SORCS2: variants seen among roughly 807,000 people sequenced by gnomAD.
SORCS2 encodes VPS10 domain-containing receptor SorCS2.
A neutral mutation model predicts 141.6 loss-of-function variants in SORCS2; 100 were observed. The observed-to-expected ratio is 0.71, with a 90% CI of 0.60 to 0.83. The LOEUF (loss-of-function observed/expected upper bound fraction) is 0.83. Ranked by LOEUF, SORCS2 falls within the 40% of genes least tolerant of loss-of-function variation. SORCS2 has a pLI of 0.00. For synonymous variants in SORCS2, 789 were observed against 676.9 expected, an observed-to-expected ratio of 1.17 and a Z score of -2.57; for missense variants, 1,646 against 1,560.2, an observed-to-expected ratio of 1.05 and a Z score of -0.93.
chr4:7,283,648 G>A (rs1479492607), intron 1 of SORCS2, among the ~76,000 whole-genome samples: 1 of 152,176 alleles, frequency 6.6e-6, no homozygotes, highest in Non-Finnish European at 1.5e-5. Flanking sequence ...GGGTGACATT[G>A]GGTTGGCGGC....
intron 1 of SORCS2, among the ~76,000 whole-genome samples, chr4:7,378,019 A>G (rs1722766938): frequency 6.6e-6 from 1 of 152,250 alleles, no homozygotes; most frequent in African/African-American, 2.4e-5. Flanking sequence ...CCCGATTTTC[A>G]TGAAGAAGGA....
intron 1 of SORCS2, among the ~76,000 whole-genome samples, chr4:7,387,972 A>C (rs1021720075): frequency 2.0e-4 from 30 of 151,852 alleles, no homozygotes; most frequent in Admixed American, 3.3e-4. Flanking sequence ...ACACAGATAC[A>C]CAGAGATACA....
At chr4:7,533,276 A>G (rs6446606) in intron 3 of SORCS2, among the ~76,000 whole-genome samples, 147,591 of 152,248 alleles carry the variant, frequency 0.97, 71,554 homozygotes, top group East Asian at 1. Flanking sequence ...AACCCTATGG[A>G]AGCAGGGGCA....
chr4:7,472,860 C>T lies in SORCS2; in HGVS notation c.549-58670C>T, dbSNP rs987922626. On this transcript the variant is annotated intron_variant, in intron 2 of 26. Transcript: ENST00000507866. ...GGAATTAACAGAACAAAACTGCCTT[C>T]GCTCAGATGGTGAAGAAGAAATCAC... is the stretch of plus-strand genomic sequence containing the variant. Among the ~76,000 whole-genome samples, 4 of 151,924 alleles carry T rather than the reference C, an allele frequency of 2.6e-5. No homozygotes were observed. In the East Asian group the frequency reaches 7.7e-4, roughly 29 times the overall value.
At chr4:7,587,636 A>C (rs1331201024) in intron 3 of SORCS2, among the ~76,000 whole-genome samples, 4 of 152,168 alleles carry the variant, frequency 2.6e-5, no homozygotes, top group African/African-American at 9.7e-5. Flanking sequence ...TCTAGTCCCC[A>C]ACTCTGGCAC....
intron 2 of SORCS2, among the ~76,000 whole-genome samples, chr4:7,447,995 G>A (rs1728108513): frequency 6.6e-6 from 1 of 152,280 alleles, no homozygotes; most frequent in African/African-American, 2.4e-5. Flanking sequence ...ATGCCGCTGT[G>A]CTGCCGGCCT....
At chr4:7,704,533 G>A (rs565076558) in intron 14 of SORCS2, among the ~76,000 whole-genome samples, 3 of 152,304 alleles carry the variant, frequency 2.0e-5, no homozygotes, top group African/African-American at 7.2e-5. Flanking sequence ...CAGCCATATG[G>A]CATGAAGGTC....
chr4:7,699,265 C>T (rs1459574074), intron 12 of SORCS2, among the ~76,000 whole-genome samples: 3 of 152,140 alleles, frequency 2.0e-5, no homozygotes, highest in Non-Finnish European at 2.9e-5. Flanking sequence ...GAGCCTGCAG[C>T]CTGCCAGTGG....
At chr4:7,639,357 C>T (rs1218346387) in intron 4 of SORCS2, among the ~76,000 whole-genome samples, 1 of 152,242 alleles carries the variant, frequency 6.6e-6, no homozygotes, top group Non-Finnish European at 1.5e-5. Context: ...GGCCACATCT[C>T]TGCACCTTCA....
chr4:7,733,942 C>A (rs1310524860), intron 24 of SORCS2, among the ~76,000 whole-genome samples: 2 of 152,176 alleles, frequency 1.3e-5, no homozygotes, highest in African/African-American at 4.8e-5. Flanking sequence ...TCAGCCACAT[C>A]AGGAGCGCCG....
At chr4:7,576,629 G>T (rs548398156) in intron 3 of SORCS2, among the ~76,000 whole-genome samples, 1 of 152,246 alleles carries the variant, frequency 6.6e-6, no homozygotes, top group African/African-American at 2.4e-5. Context: ...CTAAGACGTG[G>T]TGACAGAGGG....
chr4:7,435,992 C>A (rs1727272919), intron 2 of SORCS2, among the ~76,000 whole-genome samples: 1 of 152,218 alleles, frequency 6.6e-6, no homozygotes, highest in Admixed American at 6.5e-5. Context: ...GGCAGCCTGG[C>A]CTGAAATTGC....
chr4:7,546,053 G>T (rs1713237840), intron 3 of SORCS2, among the ~76,000 whole-genome samples: 1 of 152,116 alleles, frequency 6.6e-6, no homozygotes, highest in South Asian at 2.1e-4. Flanking sequence ...CATCACAAGG[G>T]CTCCACCCTC....
intron 3 of SORCS2, among the ~76,000 whole-genome samples, chr4:7,546,993 G>A (rs1713311000): frequency 6.6e-6 from 1 of 152,198 alleles, no homozygotes; most frequent in Admixed American, 6.5e-5. Flanking sequence ...GCCCTGGTTA[G>A]GACAAGTGTA....
chr4:7,715,746 G>C (rs1030429043), intron 17 of SORCS2, among the ~76,000 whole-genome samples: 2 of 152,200 alleles, frequency 1.3e-5, no homozygotes, highest in African/African-American at 2.4e-5. Flanking sequence ...AGTAAGCCAG[G>C]CTCTCCCCAT....
Position 7,250,478 on chromosome 4 carries a change from A to T in SORCS2, c.480+57352A>T, listed in dbSNP as rs115829823. On this transcript the variant is annotated intron_variant, in intron 1 of 26. Transcript: ENST00000507866. ...TTCGTTGTGAGTATTAATAAAAACA[A>T]CATGCATTTTTGTATGTTTCCATAG... 9.1e-3 allele frequency among the ~76,000 whole-genome samples: 1,393 copies of T among 152,346 alleles called. 23 individuals are homozygous for T. Among genetic ancestry groups the T allele is most frequent in the African/African-American group, 0.032 (1,331 of 41,562 alleles).
At chr4:7,512,465 A>G (rs73099737) in intron 2 of SORCS2, among the ~76,000 whole-genome samples, 6,054 of 151,994 alleles carry the variant, frequency 0.04, 431 homozygotes, top group African/African-American at 0.14. Context: ...GGAGGCAGGT[A>G]GGAAGTGTCC....
chr4:7,373,540 C>T (rs1258291542), intron 1 of SORCS2, among the ~76,000 whole-genome samples: 2 of 122,168 alleles, frequency 1.6e-5, no homozygotes, highest in African/African-American at 6.4e-5. Flanking sequence ...CCTGGAATGC[C>T]GGAATGCAGT....
chr4:7,287,009 C>A (rs1377007642), intron 1 of SORCS2, among the ~76,000 whole-genome samples: 1 of 152,222 alleles, frequency 6.6e-6, no homozygotes, highest in African/African-American at 2.4e-5. Context: ...GAGTTGCCTC[C>A]TCCTCCAGGA....
Sources: allele counts gnomAD v4.1 joint callset (sites outside exome capture counted in the v4.1 genomes callset), GRCh38; gene constraint gnomAD v4.1.1; transcripts MANE v1.5; gene names NCBI Gene and HGNC (gene_info 2026-07-23, HGNC 2026-07-21).